The following LITAF variants were observed in gnomAD, a reference collection of about 807,000 sequenced individuals.
LITAF encodes the protein lipopolysaccharide-induced tumor necrosis factor-alpha factor.
Under a neutral mutation model 14.5 loss-of-function variants are expected in LITAF, and 9 were observed. The ratio of observed to expected loss-of-function variants is 0.62; its 90% CI spans 0.37 to 1.08. LITAF has a LOEUF of 1.08. Ranked by LOEUF, LITAF falls within the 50% of genes least tolerant of loss-of-function variation. The pLI, the probability that LITAF is intolerant of heterozygous loss-of-function variation, is 0.01. For missense variants in LITAF, 206 were observed against 213.4 expected, an observed-to-expected ratio of 0.97 and a Z score of 0.22; for synonymous variants, 98 against 88.2, an observed-to-expected ratio of 1.11 and a Z score of -0.62.
upstream of LITAF, among the ~76,000 whole-genome samples, chr16:11,636,555 AT>A (rs1416164589): frequency 6.6e-6 from 1 of 152,134 alleles, no homozygotes; most frequent in Non-Finnish European, 1.5e-5. Flanking sequence ...CCCCACCCTA[AT>A]CTTTTATTAT....
intron 1 of LITAF, among the ~76,000 whole-genome samples, chr16:11,593,489 C>T (rs566821642): frequency 1.7e-3 from 261 of 150,922 alleles, no homozygotes; most frequent in African/African-American, 5.9e-3. Context: ...GGTATATACA[C>T]AAAAAAACTG....
At chr16:11,583,060 T>A (rs2064763004) in intron 1 of LITAF, among the ~76,000 whole-genome samples, 1 of 152,202 alleles carries the variant, frequency 6.6e-6, no homozygotes, top group Non-Finnish European at 1.5e-5. Flanking sequence ...GACCTCCAGC[T>A]CTTTGGGAAA....
intron 1 of LITAF, chr16:11,584,277 G>T (rs1411713968): frequency 6.7e-6 from 1 of 148,848 alleles, no homozygotes; most frequent in Non-Finnish European, 1.5e-5. Context: ...AAGAATACAG[G>T]ACTTCCTCTT....
rs186212216 is a variant in LITAF at position 11,625,911 on chromosome 16, C to T, written c.85+7622G>A. ...ACAATGGTCCTACGAGGCAGAAAACCTCATGACCCCAGTGCCCATGAGGAA... is the reference window on the plus strand; with the variant it reads ...ACAATGGTCCTACGAGGCAGAAAACTTCATGACCCCAGTGCCCATGAGGAA... On this transcript the variant is annotated intron_variant, in intron 3 of 3. Transcript: ENST00000574848. 2.6e-3 allele frequency among the ~76,000 whole-genome samples: 394 copies of T among 152,174 alleles called. 2 individuals are homozygous for T. The highest frequency in any genetic ancestry group is 8.9e-3 in the African/African-American group (371 of 41,516).
Position 11,592,314 on chromosome 16 carries a change from G to A in LITAF, c.-6+6074C>T, listed in dbSNP as rs572167666. On this transcript the variant is annotated intron_variant, in intron 1 of 3. Coordinates refer to the LITAF transcript ENST00000571627. ...ACTGGGGCTGGGTGCGGTGGCTCAC[G>A]CCTATACTCCCAGTACTTTGGGAGA... Among the ~76,000 whole-genome samples, 24 of 152,274 alleles carry A rather than the reference G, an allele frequency of 1.6e-4. No homozygotes were observed. The South Asian group carries it at 4.1e-3, about 26-fold the overall frequency.
At position 11,605,351 on chromosome 16, in the gene LITAF, C is replaced by T. The variant is rs568323744; in HGVS notation, c.85+28182G>A. On this transcript the variant is annotated intron_variant, in intron 3 of 3. Coordinates refer to the LITAF transcript ENST00000574848. This position sits in a 1 kb window ranked among gnomAD's most constrained non-coding sequence, Gnocchi z 4.7. The stretch of plus-strand genomic sequence containing the variant: ...TATGTCTTCAGAAACCCCCACGAGG[C>T]CCAGGATTCCTCCCAGGCGGGATCC... 6.6e-6 allele frequency among the ~76,000 whole-genome samples: 1 copy of T among 152,268 alleles called. No individual in the cohort carries two copies. The highest frequency in any genetic ancestry group is 1.9e-4 in the East Asian group (1 of 5,178).
intron 3 of LITAF, among the ~76,000 whole-genome samples, chr16:11,610,178 G>A (rs575047528): frequency 6.6e-6 from 1 of 152,346 alleles, no homozygotes; most frequent in African/African-American, 2.4e-5. Context: ...AAGCAAGTGT[G>A]TGAGCAGCTC....
intron 3 of LITAF, among the ~76,000 whole-genome samples, chr16:11,550,345 C>T (rs890673167): frequency 8.5e-5 from 13 of 152,188 alleles, no homozygotes; most frequent in Admixed American, 2.6e-4. Context: ...CCGCCTTGGC[C>T]TCCCCAAGTG....
At chr16:11,552,711 G>T (rs72779160) in intron 3 of LITAF, among the ~76,000 whole-genome samples, 5,976 of 152,194 alleles carry the variant, frequency 0.039, 166 homozygotes, top group Middle Eastern at 0.075. Flanking sequence ...CCTCCCAGGG[G>T]GCATTTTTGT....
rs997747149 is a variant in LITAF, at chr16:11,549,488, T to C, written c.*149A>G. On this transcript the variant is annotated 3_prime_UTR_variant, in exon 4 of 4. Transcript: ENST00000622633. This position sits in a 1 kb window ranked among gnomAD's most constrained non-coding sequence, Gnocchi z 4.6. ...CTGGGGTTTGGAGATTTGTTAGTTTTGCGACGTATTCCCCCCAAAAGAAGA... is the reference window on the plus strand; with the variant it reads ...CTGGGGTTTGGAGATTTGTTAGTTTCGCGACGTATTCCCCCCAAAAGAAGA... The C allele has an allele frequency of 7.2e-6, 5 of 694,976 alleles. No homozygotes were observed. In the Admixed American group the frequency reaches 8.1e-5, roughly 11 times the overall value. The allele number at this position is 694,976 out of a possible 1,614,324, so 43.1% of individuals were successfully genotyped here. A position where few individuals can be genotyped will look rare whatever the true frequency, so the allele number is the denominator to read the frequency against.
chr16:11,562,357 C>T lies in LITAF; in HGVS notation c.-5-5622G>A, dbSNP rs188651880. Among the ~76,000 whole-genome samples, 76 of 148,126 alleles carry T rather than the reference C, an allele frequency of 5.1e-4. No individual in the cohort carries two copies. In the East Asian group the frequency reaches 0.011, roughly 21 times the overall value. On this transcript the variant is annotated intron_variant, in intron 1 of 3. Transcript: ENST00000622633. ...AAAAAAAGAAGGAAGAAAAGAAATTCGAACACTTTTTGAACAAAGGGCCTC... is the reference window on the plus strand; with the variant it reads ...AAAAAAAGAAGGAAGAAAAGAAATTTGAACACTTTTTGAACAAAGGGCCTC...
At chr16:11,606,649 G>A (rs1031906696) in intron 3 of LITAF, among the ~76,000 whole-genome samples, 7 of 151,136 alleles carry the variant, frequency 4.6e-5, no homozygotes, top group Non-Finnish European at 8.9e-5. Flanking sequence ...TCTGAGGTAT[G>A]CCTGCAGCCA....
rs141300709 is a variant in LITAF at position 11,611,133 on chromosome 16, G to C, written c.85+22400C>G. The stretch of plus-strand genomic sequence containing the variant: ...GGAGGCTGAAGCAGGAGGATCACTT[G>C]AGGCCAGGAGTTCAAGACCAGCCTA... On this transcript the variant is annotated intron_variant, in intron 3 of 3. Coordinates refer to the LITAF transcript ENST00000574848. 3.1e-3 allele frequency among the ~76,000 whole-genome samples: 474 copies of C among 152,174 alleles called. 6 individuals are homozygous for C. The highest frequency in any genetic ancestry group is 0.011 in the African/African-American group (452 of 41,498).
Position 11,557,991 on chromosome 16 carries a change from T to C in LITAF, c.-5-1256A>G, listed in dbSNP as rs375240473. Among the ~76,000 whole-genome samples, 9 of 152,098 alleles carry C rather than the reference T, an allele frequency of 5.9e-5. No homozygotes were observed. The East Asian group carries it at 1.5e-3, about 26-fold the overall frequency. ...CTGGAAGCAGACACAGTGCTGTTCT[T>C]TGTGTGGCTGTTTTTCTAACTGGGC... On this transcript the variant is annotated intron_variant, in intron 1 of 3. Transcript: ENST00000622633.
intron 3 of LITAF, among the ~76,000 whole-genome samples, chr16:11,631,256 T>C (rs1045110984): frequency 2.0e-5 from 3 of 152,200 alleles, no homozygotes; most frequent in Non-Finnish European, 4.4e-5. Context: ...TTCTCTGTTC[T>C]AGAGTCTAAA....
At chr16:11,564,631 G>A (rs371882409) in intron 1 of LITAF, among the ~76,000 whole-genome samples, 173 of 151,818 alleles carry the variant, frequency 1.1e-3, no homozygotes, top group African/African-American at 3.9e-3. Context: ...GGAAAACCAC[G>A]TTCATGATTA....
rs563001301 is a variant in LITAF at position 11,610,383 on chromosome 16, G to A, written c.85+23150C>T. Among the ~76,000 whole-genome samples, 16 of 151,574 alleles carry A rather than the reference G, an allele frequency of 1.1e-4. No homozygotes were observed. The East Asian group carries it at 1.9e-3, about 18-fold the overall frequency. On this transcript the variant is annotated intron_variant, in intron 3 of 3. Transcript: ENST00000574848. ...TGGAGGGTTGGTGGGGGTGAGGATC[G>A]GGAAAGGACGTGGCGGTCGGGCAGG... is the stretch of plus-strand genomic sequence containing the variant.
intron 1 of LITAF, among the ~76,000 whole-genome samples, chr16:11,559,351 C>T (rs935905253): frequency 1.3e-5 from 2 of 152,082 alleles, no homozygotes; most frequent in Middle Eastern, 3.2e-3. Context: ...TGAATTTTTA[C>T]TTGTATTTAA....
chr16:11,639,234 T>A (rs772518625), upstream of LITAF, among the ~76,000 whole-genome samples: 1 of 150,358 alleles, frequency 6.7e-6, no homozygotes, highest in Non-Finnish European at 1.5e-5. Context: ...GAGAGAGGGA[T>A]GGATGGATAA....
Sources: gnomAD v4.1 joint callset for allele counts (sites outside exome capture counted in the v4.1 genomes callset) on GRCh38, gnomAD v4.1.1 for gene constraint, Gnocchi (gnomAD v3.1) non-coding constraint, MANE v1.5 for transcripts, NCBI Gene and HGNC (gene_info 2026-07-23, HGNC 2026-07-21) for gene names.